Variants in PCDHA3 observed in about 807,000 individuals in gnomAD.
PCDHA3 encodes protocadherin alpha-3.
A neutral mutation model predicts 62.2 loss-of-function variants in PCDHA3; 41 were observed. That is an observed-to-expected ratio of 0.66 (90% CI 0.51 to 0.86). The LOEUF is 0.86. PCDHA3 is among the 40% of genes least tolerant of loss of function. PCDHA3 has a pLI of 0.00. For missense variants in PCDHA3, 1,304 were observed against 1,241.2 expected, an observed-to-expected ratio of 1.05 and a Z score of -0.76; for synonymous variants, 640 against 555.4, an observed-to-expected ratio of 1.15 and a Z score of -2.14.
At chr5:140,869,920 G>A (rs1554163605) in intron 1 of PCDHA3, 2 of 1,611,398 alleles carry the variant, frequency 1.2e-6, no homozygotes, top group Non-Finnish European at 1.7e-6. Flanking sequence ...AGACGAAGGA[G>A]TCAATGGAGA....
chr5:140,822,083 T>C, intron 1 of PCDHA3: 3 of 1,614,220 alleles, frequency 1.9e-6, no homozygotes, highest in Non-Finnish European at 2.5e-6. Context: ...GAGTGCAGCA[T>C]CCACCTGGAG....
intron 1 of PCDHA3, chr5:140,967,728 G>T: frequency 6.2e-7 from 1 of 1,614,176 alleles, no homozygotes; most frequent in East Asian, 2.2e-5. Context: ...CGAGTAATTG[G>T]GGGGCTGGAT....
At chr5:140,960,483 T>G (rs1554224788) in intron 1 of PCDHA3, among the ~76,000 whole-genome samples, 1 of 151,978 alleles carries the variant, frequency 6.6e-6, no homozygotes, top group Non-Finnish European at 1.5e-5. Flanking sequence ...TACACAGAGG[T>G]GTAGGTTTGT....
intron 1 of PCDHA3, among the ~76,000 whole-genome samples, chr5:140,960,353 A>T (rs1197291282): frequency 6.6e-6 from 1 of 152,214 alleles, no homozygotes; most frequent in African/African-American, 2.4e-5. Context: ...ATATGTACTG[A>T]AATAATATGC....
intron 1 of PCDHA3, chr5:140,835,164 G>A: frequency 8.8e-6 from 13 of 1,477,492 alleles, no homozygotes; most frequent in Non-Finnish European, 1.2e-5. Context: ...CGGAACGCTG[G>A]TGATTCACCC....
intron 1 of PCDHA3, chr5:140,843,304 C>A (rs2150356889): frequency 5.6e-6 from 9 of 1,595,876 alleles, no homozygotes; most frequent in Non-Finnish European, 7.7e-6. Flanking sequence ...CGCTGACCGC[C>A]ACGGCCACGG....
intron 1 of PCDHA3, chr5:140,967,201 A>T: frequency 6.2e-7 from 1 of 1,613,620 alleles, no homozygotes; most frequent in Non-Finnish European, 8.5e-7. Flanking sequence ...ACGACAACTC[A>T]CCGCGTTTCC....
At chr5:140,838,076 T>G (rs13170073) in intron 1 of PCDHA3, among the ~76,000 whole-genome samples, 582 of 31,102 alleles carry the variant, frequency 0.019, 3 homozygotes, top group Middle Eastern at 0.08. Flanking sequence ...TATATATATA[T>G]AGTGTGTGTG....
chr5:140,870,546 G>T, intron 1 of PCDHA3: 1 of 1,614,086 alleles, frequency 6.2e-7, no homozygotes, highest in Non-Finnish European at 8.5e-7. Flanking sequence ...CGCGGGACGC[G>T]GACGCGCAGG....
intron 1 of PCDHA3, among the ~76,000 whole-genome samples, chr5:140,820,856 C>A (rs1379200448): frequency 6.6e-6 from 1 of 151,942 alleles, no homozygotes; most frequent in Non-Finnish European, 1.5e-5. Context: ...GAAATGCTAT[C>A]TAGATGCTTC....
rs1554202543 is a variant in PCDHA3 at position 140,925,106 on chromosome 5, G to GA, written c.2395-53842dup. The stretch of plus-strand genomic sequence containing the variant: ...GAAAGGAAGGAAGGAAGGAAGGAAG[G>GA]AGGGAAGGAAGGAAGGAAAAAAAAT... On this transcript the variant is annotated intron_variant, in intron 1 of 3. Coordinates refer to ENST00000522353, the MANE Select transcript of PCDHA3 (RefSeq NM_018906.3). Among the ~76,000 whole-genome samples the GA allele has an allele frequency of 6.6e-3, 1,003 of 151,180 alleles. 6 individuals are homozygous for GA. Among genetic ancestry groups the GA allele is most frequent in the African/African-American group, 0.017 (687 of 41,108 alleles).
At chr5:140,877,143 C>G (rs782522652) in intron 1 of PCDHA3, 2 of 1,613,668 alleles carry the variant, frequency 1.2e-6, no homozygotes, top group African/African-American at 2.7e-5. Context: ...TCGTGCTGGA[C>G]GAGAACGACA....
intron 1 of PCDHA3, among the ~76,000 whole-genome samples, chr5:140,935,583 C>T (rs1182817725): frequency 1.3e-5 from 2 of 152,168 alleles, no homozygotes; most frequent in Admixed American, 6.5e-5. Flanking sequence ...AGTTAAGCCA[C>T]CAGCTAGATA....
At chr5:140,960,548 A>G (rs73793541) in intron 1 of PCDHA3, among the ~76,000 whole-genome samples, 2,047 of 152,290 alleles carry the variant, frequency 0.013, 37 homozygotes, top group African/African-American at 0.047. Context: ...TGGCCTTCAT[A>G]TAGACTGAGC....
At chr5:140,838,287 T>TTTTTC (rs2150287312) in intron 1 of PCDHA3, among the ~76,000 whole-genome samples, 2,227 of 150,168 alleles carry the variant, frequency 0.015, 86 homozygotes, top group African/African-American at 0.051. Flanking sequence ...CTAATTTTTT[T>TTTTTC]TTTTTTTTGT....
At position 140,884,460 on chromosome 5, in the gene PCDHA3, C is replaced by T. The variant is rs782410675; in HGVS notation, c.2394+80869C>T. ...TGCTCGGCACCGCCCACCGAGGGCG[C>T]GTGCGCGCCGGGCAAGCCCACTCTA... On this transcript the variant is annotated intron_variant, in intron 1 of 3. Coordinates refer to ENST00000522353, the MANE Select transcript of PCDHA3 (RefSeq NM_018906.3). The T allele has an allele frequency of 2.5e-6, 4 of 1,613,730 alleles. No homozygotes were observed. The highest frequency in any genetic ancestry group is 3.3e-5 in the Admixed American group (2 of 59,998).
intron 1 of PCDHA3, among the ~76,000 whole-genome samples, chr5:140,942,620 A>T (rs1304224304): frequency 1.4e-4 from 4 of 28,710 alleles, no homozygotes; most frequent in Admixed American, 3.3e-4. Context: ...TGCCAATTGT[A>T]AAAAAAAAAA....
At chr5:140,963,659 A>G (rs1474288889) in intron 1 of PCDHA3, among the ~76,000 whole-genome samples, 3 of 152,222 alleles carry the variant, frequency 2.0e-5, no homozygotes. Context: ...TTGATTTCCT[A>G]TATGGCATAG....
intron 1 of PCDHA3, among the ~76,000 whole-genome samples, chr5:140,936,994 TA>T (rs1472246875): frequency 6.6e-6 from 1 of 152,140 alleles, no homozygotes; most frequent in Non-Finnish European, 1.5e-5. Context: ...ACATTGACAA[TA>T]TTGAGACAGA....
Sources: gnomAD v4.1 joint callset for allele counts (sites outside exome capture counted in the v4.1 genomes callset) on GRCh38, gnomAD v4.1.1 for gene constraint, MANE v1.5 for transcripts, NCBI Gene and HGNC (gene_info 2026-07-23, HGNC 2026-07-21) for gene names.